ARHGAP15: variants seen among roughly 807,000 people sequenced by gnomAD.
ARHGAP15 encodes the protein Rho GTPase activating protein 15, also known as rho GTPase-activating protein 15.
ARHGAP15 carries 51 observed loss-of-function variants against 63.7 expected under a neutral mutation model. That is an observed-to-expected ratio of 0.80 (90% CI 0.64 to 1.01). The LOEUF (loss-of-function observed/expected upper bound fraction) is 1.01. Among genes scored for constraint, ARHGAP15 ranks in the 50% least tolerant of loss-of-function variants. The pLI is 0.00. For synonymous variants in ARHGAP15, 191 were observed against 193.8 expected (o/e 0.99, Z 0.12); for missense variants, 560 against 564.6 (o/e 0.99, Z 0.08).
intron 6 of ARHGAP15, among the ~76,000 whole-genome samples, chr2:143,392,416 A>G (rs1558940715): frequency 6.6e-6 from 1 of 152,218 alleles, no homozygotes; most frequent in Non-Finnish European, 1.5e-5. Context: ...TGAAAGACTT[A>G]TATGTCATCT....
chr2:143,291,366 T>C (rs1682390768), intron 6 of ARHGAP15, among the ~76,000 whole-genome samples: 1 of 152,072 alleles, frequency 6.6e-6, no homozygotes, highest in Non-Finnish European at 1.5e-5. Flanking sequence ...AGCAGACATG[T>C]ACATGCAAAC....
intron 11 of ARHGAP15, among the ~76,000 whole-genome samples, chr2:143,606,410 C>A (rs1392142723): frequency 6.6e-6 from 1 of 152,142 alleles, no homozygotes; most frequent in African/African-American, 2.4e-5. Flanking sequence ...ATCTGTAATG[C>A]ACTATATCAA....
intron 11 of ARHGAP15, 108 bp downstream of exon 11, chr2:143,556,593 ATG>A: frequency 1.3e-6 from 1 of 760,800 alleles, no homozygotes; most frequent in Non-Finnish European, 2.0e-6. Context: ...TAACAGGAGA[ATG>A]TGAAAGTGGA....
intron 13 of ARHGAP15, among the ~76,000 whole-genome samples, chr2:143,724,588 G>A (rs1375468199): frequency 1.3e-5 from 2 of 152,092 alleles, no homozygotes; most frequent in Admixed American, 1.3e-4. Flanking sequence ...AGCAATAGGA[G>A]GTATTTAACA....
intron 13 of ARHGAP15, among the ~76,000 whole-genome samples, chr2:143,735,294 G>A (rs1185811368): frequency 1.3e-5 from 2 of 152,092 alleles, no homozygotes; most frequent in Non-Finnish European, 2.9e-5. Context: ...AAACAGTTTA[G>A]ACAAAAAAGA....
At chr2:143,635,868 AATT>A (rs1680285051) in intron 12 of ARHGAP15, among the ~76,000 whole-genome samples, 3 of 152,284 alleles carry the variant, frequency 2.0e-5, no homozygotes, top group Middle Eastern at 6.8e-3. Context: ...ACTATAAAAA[AATT>A]ATATTGGATA....
intron 2 of ARHGAP15, among the ~76,000 whole-genome samples, chr2:143,178,681 A>G (rs775737279): frequency 2.6e-5 from 4 of 152,118 alleles, no homozygotes; most frequent in African/African-American, 4.8e-5. Flanking sequence ...CTGGTCTCAA[A>G]CACCTGGCCT....
chr2:143,371,873 C>G (rs531950938), intron 6 of ARHGAP15, among the ~76,000 whole-genome samples: 2 of 152,188 alleles, frequency 1.3e-5, no homozygotes, highest in Admixed American at 6.5e-5. Context: ...TGATTTATTC[C>G]TTAACCCAAA....
intron 2 of ARHGAP15, among the ~76,000 whole-genome samples, chr2:143,176,793 T>A (rs559195375): frequency 1.3e-5 from 2 of 152,318 alleles, no homozygotes; most frequent in Non-Finnish European, 2.9e-5. Context: ...CAGCTCCACT[T>A]AGGCCTGAAA....
intron 8 of ARHGAP15, 85 bp downstream of exon 8, chr2:143,437,127 G>A: frequency 1.4e-6 from 2 of 1,419,364 alleles, no homozygotes; most frequent in Non-Finnish European, 9.5e-7. Flanking sequence ...TGAGATTTAA[G>A]CCAAACTCAT....
At chr2:143,188,676 A>G (rs1014055615) in intron 2 of ARHGAP15, among the ~76,000 whole-genome samples, 9 of 151,032 alleles carry the variant, frequency 6.0e-5, no homozygotes, top group Non-Finnish European at 1.2e-4. Flanking sequence ...GCTAGAGTGC[A>G]ATGGTATGAT....
intron 13 of ARHGAP15, among the ~76,000 whole-genome samples, chr2:143,728,623 T>C (rs1685392081): frequency 6.6e-6 from 1 of 152,158 alleles, no homozygotes; most frequent in Non-Finnish European, 1.5e-5. Context: ...AATGATGACT[T>C]TGTAAGGTTT....
Position 143,264,483 on chromosome 2 carries a change from C to T in ARHGAP15, c.474+13883C>T, listed in dbSNP as rs192151601. Among the ~76,000 whole-genome samples the T allele has an allele frequency of 3.4e-4, 51 of 152,232 alleles. 1 individual carries two copies. The highest frequency in any genetic ancestry group is 2.9e-3 in the Admixed American group (45 of 15,286). On this transcript the variant is annotated intron_variant, in intron 6 of 13. Transcript: ENST00000295095. ...TCATATTCCCAAGAGTCAAGGAGCT[C>T]ACATGACAGCCTGGACCTGCTGCAG...
intron 6 of ARHGAP15, among the ~76,000 whole-genome samples, chr2:143,281,493 A>G (rs1290867481): frequency 6.6e-6 from 1 of 152,164 alleles, no homozygotes; most frequent in Non-Finnish European, 1.5e-5. Context: ...AACATGCTTC[A>G]TGAGGTCCTG....
intron 12 of ARHGAP15, among the ~76,000 whole-genome samples, chr2:143,699,007 G>A (rs1345829524): frequency 6.6e-6 from 1 of 152,176 alleles, no homozygotes; most frequent in Non-Finnish European, 1.5e-5. Flanking sequence ...GATGCTCACT[G>A]AATCAATTGA....
rs916251144 is a variant in ARHGAP15 at position 143,591,934 on chromosome 2, A to G, written c.1004-32199A>G. On this transcript the variant is annotated intron_variant, in intron 11 of 13. Coordinates refer to ENST00000295095, the MANE Select transcript of ARHGAP15 (RefSeq NM_018460.4). Reference sequence around the variant, plus strand: ...TGCACCTGGCTGGGATAAGATTTTTATAACTCTATTTTGAGAAGGATTTTT... The same window carrying G: ...TGCACCTGGCTGGGATAAGATTTTTGTAACTCTATTTTGAGAAGGATTTTT... Among the ~76,000 whole-genome samples, 3 of 50,712 alleles carry G rather than the reference A, an allele frequency of 5.9e-5. No individual in the cohort carries two copies. In the South Asian group the frequency reaches 2.1e-3, roughly 36 times the overall value. 33.3% of individuals were successfully genotyped at this position (50,712 alleles called of 152,430 possible).
At chr2:143,318,085 G>A (rs1037584530) in intron 6 of ARHGAP15, among the ~76,000 whole-genome samples, 4 of 151,574 alleles carry the variant, frequency 2.6e-5, no homozygotes, top group East Asian at 1.9e-4. Context: ...TGCAACCTCC[G>A]CCTCCCGGGT....
chr2:143,429,895 TTAAA>T (rs912598673), intron 6 of ARHGAP15, among the ~76,000 whole-genome samples: 24 of 152,214 alleles, frequency 1.6e-4, no homozygotes, highest in Non-Finnish European at 4.4e-5. Flanking sequence ...TTTAAATTAC[TTAAA>T]TAAAGGGAGC....
intron 10 of ARHGAP15, among the ~76,000 whole-genome samples, chr2:143,542,846 GATAT>G (rs565690118): frequency 2.6e-5 from 3 of 114,110 alleles, no homozygotes; most frequent in Middle Eastern, 4.5e-3. Flanking sequence ...TAGTATATAT[GATAT>G]ATATAATATC....
Sources: gnomAD v4.1 joint callset for allele counts (sites outside exome capture counted in the v4.1 genomes callset) on GRCh38, gnomAD v4.1.1 for gene constraint, MANE v1.5 for transcripts, NCBI Gene and HGNC (gene_info 2026-07-23, HGNC 2026-07-21) for gene names.